The following ADAMTS19 variants were observed in gnomAD, a reference collection of about 807,000 sequenced individuals.
ADAMTS19 encodes ADAM metallopeptidase with thrombospondin type 1 motif 19.
ADAMTS19 carries 93 observed loss-of-function variants against 153.3 expected under a neutral mutation model. The observed-to-expected ratio is 0.61, with a 90% CI of 0.51 to 0.72. The LOEUF is 0.72. Among genes scored for constraint, ADAMTS19 ranks in the 30% least tolerant of loss-of-function variants. The pLI, the probability that ADAMTS19 is intolerant of heterozygous loss-of-function variation, is 0.00. For missense variants in ADAMTS19, 1,482 were observed against 1,552.1 expected, an observed-to-expected ratio of 0.95 and a Z score of 0.76; for synonymous variants, 600 against 556.6, an observed-to-expected ratio of 1.08 and a Z score of -1.10.
chr5:129,600,603 A>T (rs1750599462), intron 8 of ADAMTS19, among the ~76,000 whole-genome samples: 1 of 152,142 alleles, frequency 6.6e-6, no homozygotes, highest in African/African-American at 2.4e-5. Context: ...CTAAGTATTT[A>T]AAAAAATGAC....
intron 6 of ADAMTS19, among the ~76,000 whole-genome samples, chr5:129,532,505 G>A (rs1752246456): frequency 6.6e-6 from 1 of 152,032 alleles, no homozygotes; most frequent in African/African-American, 2.4e-5. Context: ...ATTATAAAAT[G>A]GTTCAACCAC....
intron 2 of ADAMTS19, among the ~76,000 whole-genome samples, chr5:129,481,500 G>T (rs1750408602): frequency 6.6e-6 from 1 of 152,052 alleles, no homozygotes; most frequent in African/African-American, 2.4e-5. Context: ...CTTGCTCCCA[G>T]GATAAAAGCA....
At chr5:129,523,475 G>A (rs1751896047) in intron 3 of ADAMTS19, among the ~76,000 whole-genome samples, 1 of 152,166 alleles carries the variant, frequency 6.6e-6, no homozygotes, top group Non-Finnish European at 1.5e-5. Flanking sequence ...GACAAGGAGA[G>A]GGGCAAGTGG....
intron 11 of ADAMTS19, among the ~76,000 whole-genome samples, chr5:129,642,227 T>C (rs886389375): frequency 6.6e-6 from 1 of 152,030 alleles, no homozygotes; most frequent in Non-Finnish European, 1.5e-5. Context: ...TGCATTAATA[T>C]AGCAAAAATG....
intron 6 of ADAMTS19, among the ~76,000 whole-genome samples, chr5:129,544,212 A>G (rs918620514): frequency 1.3e-5 from 2 of 152,236 alleles, no homozygotes; most frequent in African/African-American, 4.8e-5. Context: ...ACAATATTGT[A>G]GTAATCACTT....
intron 7 of ADAMTS19, among the ~76,000 whole-genome samples, chr5:129,558,809 T>A (rs1004968558): frequency 2.6e-5 from 4 of 152,100 alleles, no homozygotes; most frequent in African/African-American, 7.2e-5. Context: ...ATACTGCAGA[T>A]CACTGGGTAA....
intron 6 of ADAMTS19, among the ~76,000 whole-genome samples, chr5:129,549,754 C>G (rs1752997259): frequency 6.7e-6 from 1 of 150,052 alleles, no homozygotes; most frequent in South Asian, 2.1e-4. Context: ...ATATACATTT[C>G]TAATATGCAA....
At chr5:129,559,540 T>C (rs1257847780) in intron 7 of ADAMTS19, among the ~76,000 whole-genome samples, 1 of 152,100 alleles carries the variant, frequency 6.6e-6, no homozygotes, top group Admixed American at 6.5e-5. Flanking sequence ...ATGGAAACAA[T>C]GTGCTTCAGG....
At chr5:129,501,877 T>C (rs1457804690) in intron 2 of ADAMTS19, among the ~76,000 whole-genome samples, 1 of 152,046 alleles carries the variant, frequency 6.6e-6, no homozygotes, top group Non-Finnish European at 1.5e-5. Flanking sequence ...AATTTTTAGC[T>C]TGGGTAACTA....
At chr5:129,725,366 C>A (rs1361967374) in intron 21 of ADAMTS19, among the ~76,000 whole-genome samples, 1 of 152,026 alleles carries the variant, frequency 6.6e-6, no homozygotes, top group Non-Finnish European at 1.5e-5. Context: ...TGCACAACGG[C>A]CGGCTCACAC....
At chr5:129,724,955 A>C (rs1324403346) in intron 21 of ADAMTS19, among the ~76,000 whole-genome samples, 3 of 152,154 alleles carry the variant, frequency 2.0e-5, no homozygotes, top group African/African-American at 7.2e-5. Flanking sequence ...TGTTGAACAT[A>C]TCTGGGCCCC....
In ADAMTS19 at chr5:129,611,155, T is replaced by C. The variant is rs1751194218; in HGVS notation, c.1479-9463T>C. ...GGGTCGTTTGCTTTTCTCTTGTAAA[T>C]TTCGTTGAGTTCTTTGTAGATTCTG... On this transcript the variant is annotated intron_variant, in intron 8 of 22. Transcript: ENST00000274487. Among the ~76,000 whole-genome samples, 2 of 151,698 alleles carry C rather than the reference T, an allele frequency of 1.3e-5. 1 individual carries two copies. Among genetic ancestry groups the C allele is most frequent in the South Asian group, 4.2e-4 (2 of 4,718 alleles).
chr5:129,694,378 G>A (rs30298), intron 18 of ADAMTS19, among the ~76,000 whole-genome samples: 80,730 of 151,864 alleles, frequency 0.53, 23,779 homozygotes, highest in Non-Finnish European at 0.66. Context: ...AATAAGACCT[G>A]GTGTTCAATA....
intron 7 of ADAMTS19, among the ~76,000 whole-genome samples, chr5:129,595,114 C>A (rs1394894024): frequency 6.6e-6 from 1 of 152,024 alleles, no homozygotes. Context: ...TTCATTCTAC[C>A]TTTTGCTTAA....
chr5:129,702,949 T>TATATATACAAATAC, intron 20 of ADAMTS19, among the ~76,000 whole-genome samples: 1 of 25,070 alleles, frequency 4.0e-5, no homozygotes, highest in South Asian at 1.5e-3. Flanking sequence ...AAAATATATA[T>TATATATACAAATAC]ATATATATAT....
At chr5:129,508,002 A>G (rs1360004677) in intron 2 of ADAMTS19, among the ~76,000 whole-genome samples, 1 of 151,994 alleles carries the variant, frequency 6.6e-6, no homozygotes, top group African/African-American at 2.4e-5. Context: ...TATACTTCCA[A>G]AGAAAACATG....
At position 129,737,950 on chromosome 5, in the gene ADAMTS19, G is replaced by A. The variant is rs1399084061; in HGVS notation, c.*732G>A. ...GTGTAGAGAAATCGTTAGAAATGGT[G>A]ACATCTTACAAAAAATGTGTATTAT... is the stretch of plus-strand genomic sequence containing the variant. On this transcript the variant is annotated 3_prime_UTR_variant, in exon 23 of 23. Transcript: ENST00000274487. 6.6e-6 allele frequency: 1 copy of A among 152,408 alleles called. No individual in the cohort carries two copies. The highest frequency in any genetic ancestry group is 2.4e-5 in the African/African-American group (1 of 41,406). 9.4% of individuals were successfully genotyped at this position (152,408 alleles called of 1,614,324 possible).
chr5:129,495,110 G>T (rs141211570), intron 2 of ADAMTS19, among the ~76,000 whole-genome samples: 2 of 151,936 alleles, frequency 1.3e-5, no homozygotes, highest in African/African-American at 4.8e-5. Flanking sequence ...GTTAAATACT[G>T]AGGGTGGATA....
At chr5:129,556,153 A>G (rs1753303719) in intron 7 of ADAMTS19, among the ~76,000 whole-genome samples, 1 of 152,186 alleles carries the variant, frequency 6.6e-6, no homozygotes, top group African/African-American at 2.4e-5. Flanking sequence ...ATAGTTATGT[A>G]GATGGTTTGG....
Sources: gnomAD v4.1 joint callset for allele counts (sites outside exome capture counted in the v4.1 genomes callset) on GRCh38, gnomAD v4.1.1 for gene constraint, MANE v1.5 for transcripts, NCBI Gene and HGNC (gene_info 2026-07-23, HGNC 2026-07-21) for gene names.